The following LAMC1 variants were observed in gnomAD, a reference collection of about 807,000 sequenced individuals.
LAMC1 encodes the protein laminin subunit gamma-1.
Under a neutral mutation model 173.6 loss-of-function variants are expected in LAMC1, and 38 were observed. The observed-to-expected ratio is 0.22, with a 90% CI of 0.17 to 0.29. The LOEUF is 0.29. Among genes scored for constraint, LAMC1 ranks in the 10% least tolerant of loss-of-function variants. The probability of loss-of-function intolerance (pLI) is 1.00; values close to 1 mark genes in which losing one functional copy is unlikely to be tolerated. For synonymous variants in LAMC1, 746 were observed against 749.1 expected (o/e 1.00, Z 0.07); for missense variants, 1,824 against 2,051.8 (o/e 0.89, Z 2.14).
chr1:183,124,556 C>CTGTA, intron 13 of LAMC1, 75 bp from the exon 14 acceptor site: 3 of 1,539,648 alleles, frequency 1.9e-6, no homozygotes, highest in Non-Finnish European at 2.7e-6. Flanking sequence ...ACTAGATTAC[C>CTGTA]TGTAGCCAGT....
At chr1:183,141,958 A>G (rs979087303) in intron 27 of LAMC1, among the ~76,000 whole-genome samples, 2 of 151,972 alleles carry the variant, frequency 1.3e-5, no homozygotes, top group Non-Finnish European at 2.9e-5. Context: ...TTTCAAAAGA[A>G]CCTCTTTTTC....
At chr1:183,078,554 C>T (rs1655178802) in intron 1 of LAMC1, among the ~76,000 whole-genome samples, 1 of 149,358 alleles carries the variant, frequency 6.7e-6, no homozygotes, top group Non-Finnish European at 1.5e-5. Context: ...TGCACTCCAT[C>T]CTGGGTGACA....
intron 19 of LAMC1, among the ~76,000 whole-genome samples, chr1:183,130,902 C>T (rs550921453): frequency 3.9e-5 from 6 of 152,232 alleles, no homozygotes; most frequent in East Asian, 1.9e-4. Flanking sequence ...GGGCCAGGCG[C>T]GGTGGCTCAC....
At chr1:183,061,197 G>C (rs1460161699) in intron 1 of LAMC1, among the ~76,000 whole-genome samples, 1 of 152,132 alleles carries the variant, frequency 6.6e-6, no homozygotes, top group Non-Finnish European at 1.5e-5. Context: ...ACATTTTGGT[G>C]TGCCAAGGTT....
intron 1 of LAMC1, 133 bp downstream of exon 1, chr1:183,024,267 A>C (rs574374812): frequency 3.6e-6 from 3 of 825,252 alleles, no homozygotes; most frequent in African/African-American, 1.7e-5. Context: ...CATGGGCCAC[A>C]CAGAAACTCC....
intron 1 of LAMC1, among the ~76,000 whole-genome samples, chr1:183,051,256 G>A (rs569797531): frequency 2.6e-5 from 4 of 152,316 alleles, no homozygotes; most frequent in African/African-American, 9.6e-5. Flanking sequence ...GCCTTTGAGA[G>A]GATGGGCAGC....
intron 22 of LAMC1, 105 bp from the exon 23 acceptor site, chr1:183,134,555 T>C: frequency 1.1e-6 from 1 of 901,870 alleles, no homozygotes; most frequent in South Asian, 1.9e-5. Flanking sequence ...TGCAGTTCTT[T>C]TAAAAATATC....
At chr1:183,062,504 T>C (rs1654766687) in intron 1 of LAMC1, among the ~76,000 whole-genome samples, 1 of 151,994 alleles carries the variant, frequency 6.6e-6, no homozygotes, top group Non-Finnish European at 1.5e-5. Flanking sequence ...ATATAAAAAT[T>C]ATCTGGGCGT....
At chr1:183,063,748 C>G (rs560702812) in intron 1 of LAMC1, among the ~76,000 whole-genome samples, 1 of 152,310 alleles carries the variant, frequency 6.6e-6, no homozygotes, top group Admixed American at 6.5e-5. Flanking sequence ...AGAGTTTAGT[C>G]AAATTCATAC....
At chr1:183,118,776 T>C (rs1301587609) in intron 11 of LAMC1, among the ~76,000 whole-genome samples, 1 of 152,170 alleles carries the variant, frequency 6.6e-6, no homozygotes, top group African/African-American at 2.4e-5. Context: ...TGCCTCATCT[T>C]CATTTCTTTT....
intron 1 of LAMC1, among the ~76,000 whole-genome samples, chr1:183,080,261 TG>T (rs943461818): frequency 2.6e-5 from 4 of 152,192 alleles, no homozygotes; most frequent in African/African-American, 9.7e-5. Flanking sequence ...AAATTTTTTT[TG>T]CTTTTTAAAA....
chr1:183,062,965 A>AT (rs1379162610), intron 1 of LAMC1, among the ~76,000 whole-genome samples: 20 of 152,282 alleles, frequency 1.3e-4, no homozygotes, highest in African/African-American at 4.8e-4. Flanking sequence ...AAAAATAATA[A>AT]TAAAAAAAAG....
At chr1:183,027,187 G>A (rs552395921) in intron 1 of LAMC1, among the ~76,000 whole-genome samples, 1 of 152,228 alleles carries the variant, frequency 6.6e-6, no homozygotes, top group South Asian at 2.1e-4. Flanking sequence ...AGTCATCCAG[G>A]GTGCAGGGTG....
intron 1 of LAMC1, among the ~76,000 whole-genome samples, chr1:183,048,419 A>C: frequency 6.6e-6 from 1 of 152,248 alleles, no homozygotes; most frequent in South Asian, 2.1e-4. Flanking sequence ...TTTTTATTGC[A>C]GTGTCCACCT....
At chr1:183,086,119 T>C (rs1002251676) in intron 1 of LAMC1, among the ~76,000 whole-genome samples, 3 of 152,148 alleles carry the variant, frequency 2.0e-5, no homozygotes, top group Non-Finnish European at 4.4e-5. Context: ...AATTACACAA[T>C]TATACTATAT....
chr1:183,135,769 G>C (rs952321201), intron 24 of LAMC1, among the ~76,000 whole-genome samples: 1 of 151,516 alleles, frequency 6.6e-6, no homozygotes, highest in African/African-American at 2.4e-5. Flanking sequence ...CATACCTGTA[G>C]TCCTAGCTAC....
At chr1:183,096,363 C>T (rs41314021) in intron 1 of LAMC1, among the ~76,000 whole-genome samples, 178 of 152,240 alleles carry the variant, frequency 1.2e-3, no homozygotes, top group Middle Eastern at 3.4e-3. Context: ...TTTATAATAG[C>T]TTTTGATACA....
intron 18 of LAMC1, 164 bp downstream of exon 18, chr1:183,128,914 C>T (rs1202032189): frequency 2.2e-6 from 1 of 447,642 alleles, no homozygotes; most frequent in Non-Finnish European, 3.7e-6. Context: ...AAAAAGCAAC[C>T]TGACAAATTT....
chr1:183,033,719 TCTCA>T (rs1653903109), intron 1 of LAMC1, among the ~76,000 whole-genome samples: 1 of 151,952 alleles, frequency 6.6e-6, no homozygotes, highest in South Asian at 2.1e-4. Context: ...TGAGACAGAG[TCTCA>T]CTCTGTTGCC....
Sources: gnomAD v4.1 joint callset for allele counts (sites outside exome capture counted in the v4.1 genomes callset) on GRCh38, gnomAD v4.1.1 for gene constraint, MANE v1.5 for transcripts, NCBI Gene and HGNC (gene_info 2026-07-23, HGNC 2026-07-21) for gene names.